The following ACOXL variants were observed in gnomAD, a reference collection of about 807,000 sequenced individuals.
The protein encoded by ACOXL is acyl-CoA oxidase like.
Under a neutral mutation model 71.9 loss-of-function variants are expected in ACOXL, and 70 were observed. The ratio of observed to expected loss-of-function variants is 0.97; its 90% CI spans 0.80 to 1.19. The LOEUF (loss-of-function observed/expected upper bound fraction) is 1.19, where lower values mean the gene tolerates loss of function less well. ACOXL is among the 50% of genes most tolerant of loss of function. The pLI is 0.00. For synonymous variants in ACOXL, 253 were observed against 281.6 expected (o/e 0.90, Z 1.02); for missense variants, 703 against 736.3 (o/e 0.95, Z 0.52).
At chr2:111,031,584 C>A (rs780417828) in intron 14 of ACOXL, 43 bp from the exon 15 acceptor site, 1 of 1,574,216 alleles carries the variant, frequency 6.4e-7, no homozygotes. Context: ...TAGACTCTCT[C>A]ACAATATCCT....
intron 1 of ACOXL, among the ~76,000 whole-genome samples, chr2:110,758,943 C>T (rs1004153381): frequency 1.3e-5 from 2 of 152,216 alleles, no homozygotes; most frequent in Non-Finnish European, 2.9e-5. Flanking sequence ...ACCCAAGACT[C>T]ATTCAGGAGC....
At chr2:110,958,571 C>T (rs1300813281) in intron 12 of ACOXL, among the ~76,000 whole-genome samples, 1 of 152,228 alleles carries the variant, frequency 6.6e-6, no homozygotes, top group Non-Finnish European at 1.5e-5. Context: ...CCTTCCTGCT[C>T]AGCAGACATC....
chr2:110,766,622 G>T (rs956986928), intron 1 of ACOXL, among the ~76,000 whole-genome samples: 1 of 152,190 alleles, frequency 6.6e-6, no homozygotes, highest in Non-Finnish European at 1.5e-5. Flanking sequence ...GGTGAATTAA[G>T]TGCCAACTGA....
intron 15 of ACOXL, among the ~76,000 whole-genome samples, chr2:111,045,974 A>G (rs1468676775): frequency 6.6e-6 from 1 of 152,222 alleles, no homozygotes; most frequent in Non-Finnish European, 1.5e-5. Flanking sequence ...TCATGGGGAC[A>G]GGACAGAGTC....
At chr2:110,968,808 A>C in intron 12 of ACOXL, 1 of 418,080 alleles carries the variant, frequency 2.4e-6, no homozygotes. Flanking sequence ...TGAAAAACAT[A>C]ACCAGGCAAC....
intron 9 of ACOXL, 87 bp from the exon 10 acceptor site, chr2:110,841,284 A>C: frequency 1.1e-6 from 1 of 937,380 alleles, no homozygotes; most frequent in Non-Finnish European, 1.7e-6. Context: ...TTTAAAACGT[A>C]ATTGGCCGTA....
intron 10 of ACOXL, among the ~76,000 whole-genome samples, chr2:110,902,399 G>A (rs2059276209): frequency 6.6e-6 from 1 of 152,256 alleles, no homozygotes; most frequent in African/African-American, 2.4e-5. Context: ...GAACCCAGGA[G>A]ATGGAGGTTG....
chr2:110,876,702 C>T (rs1053990538), intron 10 of ACOXL, among the ~76,000 whole-genome samples: 16 of 152,166 alleles, frequency 1.1e-4, no homozygotes, highest in African/African-American at 3.6e-4. Flanking sequence ...GAATTTAACA[C>T]ACTGGCACAG....
chr2:110,751,617 T>A (rs1406426809), intron 1 of ACOXL, among the ~76,000 whole-genome samples: 1 of 152,230 alleles, frequency 6.6e-6, no homozygotes, highest in Non-Finnish European at 1.5e-5. Context: ...AAATCTTAAG[T>A]GTACATTCTC....
At chr2:110,769,226 AAAAG>A (rs10599265) in intron 2 of ACOXL, among the ~76,000 whole-genome samples, 26,848 of 148,616 alleles carry the variant, frequency 0.18, 2,482 homozygotes, top group African/African-American at 0.2. Context: ...GCCTCATGAA[AAAAG>A]AAAGAAAGAA....
At chr2:110,808,770 C>G (rs1686967935) in intron 9 of ACOXL, among the ~76,000 whole-genome samples, 1 of 152,226 alleles carries the variant, frequency 6.6e-6, no homozygotes, top group Admixed American at 6.5e-5. Context: ...CCTCTGACAC[C>G]TGTTCCCAAG....
At chr2:111,054,088 C>T (rs4848370) in intron 16 of ACOXL, among the ~76,000 whole-genome samples, 39,467 of 152,112 alleles carry the variant, frequency 0.26, 5,400 homozygotes, top group East Asian at 0.48. Context: ...TGGCCTGGCT[C>T]GGTCACCTTG....
intron 10 of ACOXL, among the ~76,000 whole-genome samples, chr2:110,893,291 A>G (rs1558686037): frequency 1.3e-5 from 2 of 152,184 alleles, no homozygotes; most frequent in South Asian, 2.1e-4. Context: ...ACCACAGTAT[A>G]TAAAAGGGCA....
chr2:111,078,616 C>T (rs567701749), intron 16 of ACOXL, among the ~76,000 whole-genome samples: 8 of 152,252 alleles, frequency 5.3e-5, no homozygotes, highest in East Asian at 1.9e-4. Flanking sequence ...TGTTTCAAGA[C>T]GGTTTGTGAT....
intron 10 of ACOXL, among the ~76,000 whole-genome samples, chr2:110,846,274 AAGG>A (rs1691821645): frequency 6.6e-6 from 1 of 152,124 alleles, no homozygotes; most frequent in Non-Finnish European, 1.5e-5. Context: ...GGATGAAGGA[AAGG>A]GGGACAGGAA....
At chr2:110,935,743 G>T (rs2149349485) in intron 12 of ACOXL, among the ~76,000 whole-genome samples, 1 of 152,106 alleles carries the variant, frequency 6.6e-6, no homozygotes, top group East Asian at 1.9e-4. Context: ...ATAACAACCA[G>T]TCCTCTAATT....
At chr2:110,751,298 CAA>C (rs765632647) in intron 1 of ACOXL, among the ~76,000 whole-genome samples, 1,252 of 43,840 alleles carry the variant, frequency 0.029, 8 homozygotes, top group African/African-American at 0.089. Flanking sequence ...GACTCCGTCT[CAA>C]AAAAAAAAAA....
intron 9 of ACOXL, among the ~76,000 whole-genome samples, chr2:110,819,419 G>T (rs1447883873): frequency 6.6e-6 from 1 of 152,172 alleles, no homozygotes; most frequent in Admixed American, 6.5e-5. Flanking sequence ...TGTCAGGCAG[G>T]GTGGAGGCTC....
chr2:110,900,976 G>A (rs537481664), intron 10 of ACOXL, among the ~76,000 whole-genome samples: 5 of 152,290 alleles, frequency 3.3e-5, no homozygotes, highest in African/African-American at 9.6e-5. Flanking sequence ...TGGTCTCCAC[G>A]GGGGTCATCC....
Sources: gnomAD v4.1 joint callset for allele counts (sites outside exome capture counted in the v4.1 genomes callset) on GRCh38, gnomAD v4.1.1 for gene constraint, MANE v1.5 for transcripts, NCBI Gene and HGNC (gene_info 2026-07-23, HGNC 2026-07-21) for gene names.